The following DLEU7 variants were observed in gnomAD, a reference collection of about 807,000 sequenced individuals.
The protein encoded by DLEU7 is deleted in lymphocytic leukemia 7.
DLEU7 carries 17 observed loss-of-function variants against 16.0 expected under a neutral mutation model. The observed-to-expected ratio is 1.06, with a 90% confidence interval of 0.73 to 1.59. The LOEUF (loss-of-function observed/expected upper bound fraction) is 1.59. DLEU7 is among the 40% of genes most tolerant of loss of function. DLEU7 has a pLI of 0.00. For missense variants in DLEU7, 308 were observed against 314.9 expected, an observed-to-expected ratio of 0.98 and a Z score of 0.17; for synonymous variants, 113 against 139.8, an observed-to-expected ratio of 0.81 and a Z score of 1.35.
In DLEU7 at chr13:50,770,623, A is replaced by C. The variant is rs190342383; in HGVS notation, c.460-57383T>G. On this transcript the variant is annotated intron_variant, in intron 1 of 1. Coordinates refer to the DLEU7 transcript ENST00000400393. ...AGCCTTGCATCCCAGGGATGAAGCCAACTTGATCGTGGTGGATAAGCTTTT... is the reference window on the plus strand; with the variant it reads ...AGCCTTGCATCCCAGGGATGAAGCCCACTTGATCGTGGTGGATAAGCTTTT... Among the ~76,000 whole-genome samples, 543 of 152,294 alleles carry C rather than the reference A, an allele frequency of 3.6e-3. 3 individuals are homozygous for C. The highest frequency in any genetic ancestry group is 0.013 in the African/African-American group (524 of 41,554).
chr13:50,797,416 A>G (rs1876134489), intron 1 of DLEU7, among the ~76,000 whole-genome samples: 1 of 152,222 alleles, frequency 6.6e-6, no homozygotes, highest in African/African-American at 2.4e-5. Context: ...GGAGCCTTCT[A>G]TTGCACTTTA....
intron 1 of DLEU7, among the ~76,000 whole-genome samples, chr13:50,782,502 G>A (rs1173662634): frequency 7.9e-5 from 12 of 152,002 alleles, no homozygotes; most frequent in Non-Finnish European, 1.5e-5. Context: ...AAGCTATTGC[G>A]ACCTCTTCAT....
At chr13:50,796,755 C>A (rs957531651) in intron 1 of DLEU7, among the ~76,000 whole-genome samples, 1 of 152,080 alleles carries the variant, frequency 6.6e-6, no homozygotes, top group Admixed American at 6.5e-5. Flanking sequence ...CCAGTCCTTG[C>A]TCTTCCACCA....
chr13:50,817,427 A>G (rs1366142102), intron 1 of DLEU7, among the ~76,000 whole-genome samples: 1 of 152,206 alleles, frequency 6.6e-6, no homozygotes, highest in African/African-American at 2.4e-5. Context: ...TCTGGTATGT[A>G]GCTAAGTGAA....
intron 1 of DLEU7, among the ~76,000 whole-genome samples, chr13:50,800,245 A>G (rs1467992381): frequency 2.6e-5 from 4 of 152,222 alleles, no homozygotes; most frequent in African/African-American, 9.6e-5. Flanking sequence ...GTTAAAGCAC[A>G]TAGTACTTGT....
At chr13:50,822,058 GCACA>G (rs144274511), downstream of DLEU7, among the ~76,000 whole-genome samples, 20 of 149,858 alleles carry the variant, frequency 1.3e-4, no homozygotes, top group South Asian at 2.1e-4. Flanking sequence ...ACACATGAGC[GCACA>G]CACACACACA....
At chr13:50,787,204 TACTG>T (rs1192458243) in intron 1 of DLEU7, among the ~76,000 whole-genome samples, 10 of 152,216 alleles carry the variant, frequency 6.6e-5, no homozygotes, top group African/African-American at 2.2e-4. Flanking sequence ...GTAAATGCTG[TACTG>T]ACTATGAGTT....
intron 1 of DLEU7, among the ~76,000 whole-genome samples, chr13:50,729,694 A>G (rs1236805667): frequency 6.6e-6 from 1 of 152,170 alleles, no homozygotes; most frequent in East Asian, 1.9e-4. Flanking sequence ...CCTTGCCAGC[A>G]TCTATTATTT....
chr13:50,712,922 C>T (rs963278567), exon 2 of DLEU7: 100 of 371,042 alleles, frequency 2.7e-4, no homozygotes, highest in African/African-American at 6.0e-4. Context: ...GAATTTGTCA[C>T]GATCTTCTTA....
chr13:50,735,597 A>G (rs941006051), intron 1 of DLEU7, among the ~76,000 whole-genome samples: 1 of 152,038 alleles, frequency 6.6e-6, no homozygotes, highest in African/African-American at 2.4e-5. Context: ...AAATGAAAAT[A>G]TTATAAACTA....
At chr13:50,806,976 C>CAAAA (rs556761618) in intron 1 of DLEU7, among the ~76,000 whole-genome samples, 4,066 of 54,028 alleles carry the variant, frequency 0.075, 300 homozygotes, top group African/African-American at 0.19. Flanking sequence ...GACTCCCTCT[C>CAAAA]AAAAAAAAAA....
chr13:50,722,572 C>T (rs1035148776), intron 1 of DLEU7, among the ~76,000 whole-genome samples: 2 of 152,166 alleles, frequency 1.3e-5, no homozygotes, highest in Non-Finnish European at 2.9e-5. Context: ...TACGCTATTG[C>T]AGAGTGGGTT....
At chr13:50,792,828 T>C (rs574149502) in intron 1 of DLEU7, among the ~76,000 whole-genome samples, 1 of 151,632 alleles carries the variant, frequency 6.6e-6, no homozygotes, top group Non-Finnish European at 1.5e-5. Flanking sequence ...TAGTTTGTCT[T>C]CTGGTTTTTG....
intron 1 of DLEU7, among the ~76,000 whole-genome samples, chr13:50,782,740 T>C (rs2137766622): frequency 1.3e-5 from 2 of 149,050 alleles, no homozygotes; most frequent in East Asian, 3.9e-4. Flanking sequence ...TGAATAAAAA[T>C]GTGAATTCCC....
At chr13:50,757,040 C>T (rs1874783087) in intron 1 of DLEU7, among the ~76,000 whole-genome samples, 1 of 152,224 alleles carries the variant, frequency 6.6e-6, no homozygotes, top group African/African-American at 2.4e-5. Flanking sequence ...CCCTTTCCCA[C>T]TTCTGCAGTT....
At chr13:50,824,375 G>A (rs967219803) in intron 1 of DLEU7, among the ~76,000 whole-genome samples, 5 of 152,116 alleles carry the variant, frequency 3.3e-5, no homozygotes, top group Admixed American at 6.6e-5. Flanking sequence ...ACATCCCCTG[G>A]ACTTCTGGGT....
In DLEU7 at chr13:50,843,460, G is replaced by GC; in HGVS notation, c.186dup (p.Pro63AlafsTer33). 7.5e-7 allele frequency: 1 copy of GC among 1,325,200 alleles called. No homozygotes were observed. The highest frequency in any genetic ancestry group is 9.6e-7 in the Non-Finnish European group (1 of 1,045,082). 82.1% of individuals were successfully genotyped at this position (1,325,200 alleles called of 1,614,324 possible). A position where few individuals can be genotyped will look rare whatever the true frequency, so the allele number is the denominator to read the frequency against. Reference sequence around the variant, plus strand: ...CCCCCGCCCCGCTCCTCGCGCCCGGGCCCCGGCCGGGCCCGCGGCGGGCCT... The same window carrying GC: ...CCCCCGCCCCGCTCCTCGCGCCCGGGCCCCCGGCCGGGCCCGCGGCGGGCCT... On this transcript the variant is annotated frameshift_variant, in exon 1 of 2. Transcript: ENST00000504404. LOFTEE classifies it high-confidence loss of function. The surrounding 1 kb of genome is among the most constrained non-coding windows in gnomAD (Gnocchi z 5.7).
intron 1 of DLEU7, among the ~76,000 whole-genome samples, chr13:50,790,185 G>A (rs1386081067): frequency 1.3e-5 from 2 of 151,766 alleles, no homozygotes; most frequent in Admixed American, 6.6e-5. Flanking sequence ...CACCCTCCTC[G>A]GCCTCCCAAA....
intron 1 of DLEU7, among the ~76,000 whole-genome samples, chr13:50,767,470 A>AAAAAAAAAC (rs1875155759): frequency 2.0e-5 from 3 of 151,586 alleles, no homozygotes; most frequent in African/African-American, 7.3e-5. Flanking sequence ...AAAAAAAAAA[A>AAAAAAAAAC]AAAAAAAACT....
Sources: gnomAD v4.1 joint callset for allele counts (sites outside exome capture counted in the v4.1 genomes callset) on GRCh38, gnomAD v4.1.1 for gene constraint, Gnocchi (gnomAD v3.1) non-coding constraint, MANE v1.5 for transcripts, NCBI Gene and HGNC (gene_info 2026-07-23, HGNC 2026-07-21) for gene names.